Variants in SLC43A1 observed in about 807,000 individuals in gnomAD.
SLC43A1 encodes solute carrier family 43 member 1, also known as large neutral amino acids transporter small subunit 3.
A neutral mutation model predicts 59.5 loss-of-function variants in SLC43A1; 31 were observed. The observed-to-expected ratio is 0.52, with a 90% CI of 0.39 to 0.70. SLC43A1 has a LOEUF of 0.70. Ranked by LOEUF, SLC43A1 falls within the 30% of genes least tolerant of loss-of-function variation. SLC43A1 has a pLI of 0.00. For missense variants in SLC43A1, 598 were observed against 717.8 expected (o/e 0.83, Z 1.91); for synonymous variants, 259 against 290.9 (o/e 0.89, Z 1.12).
chr11:57,488,478 C>G (rs778285847), intron 13 of SLC43A1, among the ~76,000 whole-genome samples: 1 of 152,166 alleles, frequency 6.6e-6, no homozygotes, highest in African/African-American at 2.4e-5. Context: ...ATTTTGTCAT[C>G]ATTATTGTAA....
At position 57,488,982 on chromosome 11, in the gene SLC43A1, G is replaced by A; in HGVS notation, c.1343C>T (p.Thr448Ile). ...LINNLHLQFV[T>I]FVLHTIVRGF... Reference sequence around the variant, plus strand: ...TCGAACAATGGTGTGCAGGACAAAGGTCACAAACTAAAACCAAAAAGAGAG... The same window carrying A: ...TCGAACAATGGTGTGCAGGACAAAGATCACAAACTAAAACCAAAAAGAGAG... Residue 448 changes from threonine (T) to isoleucine (I), a missense_variant, in exon 13 of 15, where the codon ACC becomes ATC. Transcript: ENST00000278426. 6.2e-7 allele frequency: 1 copy of A among 1,614,096 alleles called. No homozygotes were observed. The highest frequency in any genetic ancestry group is 8.5e-7 in the Non-Finnish European group (1 of 1,179,908).
At chr11:57,500,344 C>T (rs951349568) in intron 5 of SLC43A1, among the ~76,000 whole-genome samples, 2 of 152,240 alleles carry the variant, frequency 1.3e-5, no homozygotes, top group African/African-American at 2.4e-5. Flanking sequence ...CTCCCTCCCC[C>T]TCAAGATCAT....
intron 13 of SLC43A1, 149 bp downstream of exon 13, chr11:57,488,767 G>C: frequency 1.4e-6 from 1 of 706,734 alleles, no homozygotes; most frequent in Non-Finnish European, 2.5e-6. Flanking sequence ...CAGCAGGATA[G>C]GCTGCCTTTA....
At position 57,488,902 on chromosome 11, in the gene SLC43A1, C is replaced by A. The variant is rs778089122; in HGVS notation, c.1409+14G>T. On this transcript the variant is annotated intron_variant, in intron 13 of 14. Transcript: ENST00000278426. ...TGCAAAGCTCAGGAAGGCATTTCAGCCCAACAGACTCACACTGCAGCATAG... is the reference window on the plus strand; with the variant it reads ...TGCAAAGCTCAGGAAGGCATTTCAGACCAACAGACTCACACTGCAGCATAG... 6.2e-7 allele frequency: 1 copy of A among 1,611,436 alleles called. No individual in the cohort carries two copies. Among genetic ancestry groups the A allele is most frequent in the South Asian group, 1.1e-5 (1 of 91,040 alleles).
At chr11:57,502,173 T>A (rs928565571) in intron 2 of SLC43A1, among the ~76,000 whole-genome samples, 1 of 152,236 alleles carries the variant, frequency 6.6e-6, no homozygotes, top group African/African-American at 2.4e-5. Context: ...CTTTACTCAA[T>A]GCTCAGTGAG....
chr11:57,501,171 G>A lies in SLC43A1; in HGVS notation c.313C>T (p.Pro105Ser), dbSNP rs370202316. The change falls in exon 3 of 15, where the codon CCC becomes TCC. Residue 105 changes from proline to serine, a missense_variant. By Grantham distance (74) the Pro-to-Ser change is moderately conservative. Coordinates refer to ENST00000278426, the MANE Select transcript of SLC43A1 (RefSeq NM_003627.6). ...CCTCACCTGCCAACCAGCCGCACGG[G>A]TCGGGGGCCAAAGCGGTCCATGAGG... ...GILMDRFGPR[P>S]VRLVGSACFT... 5.6e-6 allele frequency: 9 copies of A among 1,612,416 alleles called. No homozygotes were observed. Among genetic ancestry groups the A allele is most frequent in the African/African-American group, 2.7e-5 (2 of 74,946 alleles).
chr11:57,506,037 G>A (rs946483300), intron 2 of SLC43A1, among the ~76,000 whole-genome samples: 2 of 152,104 alleles, frequency 1.3e-5, no homozygotes, highest in Admixed American at 6.6e-5. Flanking sequence ...CCTCTGACAT[G>A]GTCACATTCA....
rs867175855 is a variant in SLC43A1, at chr11:57,491,734, T to C, written c.1000A>G (p.Thr334Ala). The C allele has an allele frequency of 1.2e-5, 20 of 1,614,108 alleles. 2 individuals are homozygous for C. In the Middle Eastern group the frequency reaches 2.8e-3, roughly 226 times the overall value. The change falls in exon 9 of 15, where the codon ACT becomes GCT. Residue 334 changes from threonine (T) to alanine (A), a missense_variant. Thr to Ala is a moderately conservative substitution (Grantham distance 58, BLOSUM62 0). Coordinates refer to ENST00000278426, the MANE Select transcript of SLC43A1 (RefSeq NM_003627.6). ...GCCTCACCATGCTCCTGGCCACCAG[T>C]CACAAGGTACTCCAGCATCTTGTTC... ...AVNKMLEYLV[T>A]GGQEHETNEQ...
chr11:57,494,673 T>C (rs1944024214), intron 7 of SLC43A1, among the ~76,000 whole-genome samples: 1 of 152,180 alleles, frequency 6.6e-6, no homozygotes, highest in Non-Finnish European at 1.5e-5. Context: ...TTGCCTCTGC[T>C]GAACTGACAG....
intron 8 of SLC43A1, among the ~76,000 whole-genome samples, chr11:57,492,460 T>C (rs1025410433): frequency 2.3e-5 from 3 of 131,642 alleles, no homozygotes; most frequent in Non-Finnish European, 4.7e-5. Flanking sequence ...ATAATATAAA[T>C]ATATATATAA....
intron 14 of SLC43A1, among the ~76,000 whole-genome samples, chr11:57,486,399 G>A (rs1943726664): frequency 6.6e-6 from 1 of 152,086 alleles, no homozygotes; most frequent in Non-Finnish European, 1.5e-5. Context: ...AGAAGGCTGG[G>A]GCCGGAGGAT....
At chr11:57,502,376 C>T (rs1944289819) in intron 2 of SLC43A1, among the ~76,000 whole-genome samples, 1 of 152,212 alleles carries the variant, frequency 6.6e-6, no homozygotes, top group Non-Finnish European at 1.5e-5. Flanking sequence ...AACCCACGAC[C>T]TCCTTAGGAG....
At chr11:57,492,218 T>A (rs1198320352) in intron 8 of SLC43A1, among the ~76,000 whole-genome samples, 1 of 141,412 alleles carries the variant, frequency 7.1e-6, no homozygotes, top group Non-Finnish European at 1.5e-5. Flanking sequence ...TATATATATA[T>A]ATTTATTTAT....
chr11:57,490,471 C>T (rs930304349), intron 11 of SLC43A1, among the ~76,000 whole-genome samples: 4 of 152,128 alleles, frequency 2.6e-5, no homozygotes, highest in African/African-American at 4.8e-5. Context: ...TGGTATGCTA[C>T]GTCTGAGATT....
At chr11:57,487,514 C>T (rs528813183) in intron 13 of SLC43A1, among the ~76,000 whole-genome samples, 30 of 152,108 alleles carry the variant, frequency 2.0e-4, no homozygotes, top group Non-Finnish European at 3.8e-4. Flanking sequence ...CAGGACTGTC[C>T]ACTGTATTCT....
chr11:57,511,585 A>G (rs1015041961), intron 2 of SLC43A1, among the ~76,000 whole-genome samples: 5 of 152,146 alleles, frequency 3.3e-5, no homozygotes, highest in African/African-American at 1.2e-4. Context: ...TGGATTACAG[A>G]TGAGCCACCA....
intron 4 of SLC43A1, 47 bp downstream of exon 4, chr11:57,500,941 C>G (rs1223799719): frequency 6.3e-7 from 1 of 1,598,378 alleles, no homozygotes; most frequent in East Asian, 2.3e-5. Flanking sequence ...CCGCCTTCAT[C>G]CCACCTATTC....
At chr11:57,496,709 GTGC>G (rs1388350405) in intron 6 of SLC43A1, among the ~76,000 whole-genome samples, 1 of 152,186 alleles carries the variant, frequency 6.6e-6, no homozygotes, top group African/African-American at 2.4e-5. Context: ...GGAGGTGCAA[GTGC>G]TCTGCCCAAG....
rs954321047 is a variant in SLC43A1, at chr11:57,515,678, C to G, written c.-248G>C. The G allele has an allele frequency of 6.6e-6, 1 of 152,324 alleles. No individual in the cohort carries two copies. The highest frequency in any genetic ancestry group is 1.5e-5 in the Non-Finnish European group (1 of 68,092). 9.4% of individuals were successfully genotyped at this position (152,324 alleles called of 1,614,324 possible). A position where few individuals can be genotyped will look rare whatever the true frequency, so the allele number is the denominator to read the frequency against. On this transcript the variant is annotated 5_prime_UTR_variant, in exon 1 of 15. Coordinates refer to ENST00000278426, the MANE Select transcript of SLC43A1 (RefSeq NM_003627.6). The surrounding 1 kb of genome is among the most constrained non-coding windows in gnomAD (Gnocchi z 5.3). ...TGGGAACCCGCCGGGCGCCAGAGGT[C>G]TGCGAAGCTGGGCTTGGATGAAGTG... is the stretch of plus-strand genomic sequence containing the variant.
Sources: gnomAD v4.1 joint callset for allele counts (sites outside exome capture counted in the v4.1 genomes callset) on GRCh38, gnomAD v4.1.1 for gene constraint, Gnocchi (gnomAD v3.1) non-coding constraint, MANE v1.5 for transcripts, NCBI Gene and HGNC (gene_info 2026-07-23, HGNC 2026-07-21) for gene names.